RAP1GAP2: variants seen among roughly 807,000 people sequenced by gnomAD.
RAP1GAP2 encodes RAP1 GTPase activating protein 2.
A neutral mutation model predicts 95.0 loss-of-function variants in RAP1GAP2; 27 were observed. The observed-to-expected ratio is 0.28, with a 90% CI of 0.21 to 0.39. The LOEUF is 0.39. RAP1GAP2 is among the 10% of genes least tolerant of loss of function. The pLI is 1.00. For synonymous variants in RAP1GAP2, 373 were observed against 380.9 expected, an observed-to-expected ratio of 0.98 and a Z score of 0.24; for missense variants, 771 against 970.0, an observed-to-expected ratio of 0.79 and a Z score of 2.72.
intron 2 of RAP1GAP2, among the ~76,000 whole-genome samples, chr17:2,849,627 G>A (rs2071742474): frequency 6.6e-6 from 1 of 152,174 alleles, no homozygotes; most frequent in African/African-American, 2.4e-5. Context: ...CTCAGCCTTT[G>A]GAGTTCCCCT....
chr17:3,014,503 G>A (rs2046686429), intron 17 of RAP1GAP2, among the ~76,000 whole-genome samples: 3 of 150,852 alleles, frequency 2.0e-5, no homozygotes, highest in Admixed American at 6.6e-5. Context: ...TGATGATGGT[G>A]TTGTCAACGC....
rs571936786 is a variant in RAP1GAP2 at position 3,011,381 on chromosome 17, C to T, written c.1494+3236C>T. ...GGAGCCCTGGGGCCTGGGGTGGATTCTGGTGTTTAGGCCATGCCTGTGGCC... is the reference window on the plus strand; with the variant it reads ...GGAGCCCTGGGGCCTGGGGTGGATTTTGGTGTTTAGGCCATGCCTGTGGCC... On this transcript the variant is annotated intron_variant, in intron 17 of 24. Coordinates refer to ENST00000254695, the MANE Select transcript of RAP1GAP2 (RefSeq NM_015085.5). Among the ~76,000 whole-genome samples, 63 of 152,188 alleles carry T rather than the reference C, an allele frequency of 4.1e-4. 1 individual carries two copies. The highest frequency in any genetic ancestry group is 1.6e-3 in the Admixed American group (24 of 15,288).
At chr17:2,905,108 C>G (rs1379193825) in intron 2 of RAP1GAP2, among the ~76,000 whole-genome samples, 176 bp from the exon 3 acceptor site, 1 of 152,210 alleles carries the variant, frequency 6.6e-6, no homozygotes, top group Non-Finnish European at 1.5e-5. Flanking sequence ...GTCTTGAACT[C>G]CTGACCTCAG....
chr17:3,022,402 C>G (rs757575048), intron 19 of RAP1GAP2, among the ~76,000 whole-genome samples: 21 of 152,170 alleles, frequency 1.4e-4, no homozygotes, highest in Non-Finnish European at 2.9e-4. Context: ...CCAAGCAATT[C>G]CGCTCCTCGG....
intron 11 of RAP1GAP2, among the ~76,000 whole-genome samples, chr17:2,989,105 G>A (rs1456288385): frequency 2.7e-5 from 4 of 150,900 alleles, no homozygotes; most frequent in African/African-American, 9.7e-5. Context: ...AAAAAAAACT[G>A]CCAAACAGTT....
intron 3 of RAP1GAP2, among the ~76,000 whole-genome samples, chr17:2,927,368 T>A (rs185767502): frequency 4.8e-4 from 73 of 151,978 alleles, no homozygotes; most frequent in South Asian, 4.2e-4. Flanking sequence ...TTAGCCAGGA[T>A]GGTCTCGATC....
intron 2 of RAP1GAP2, among the ~76,000 whole-genome samples, chr17:2,842,391 G>A (rs2071403698): frequency 6.6e-6 from 1 of 151,992 alleles, no homozygotes; most frequent in Non-Finnish European, 1.5e-5. Flanking sequence ...TTAGCCAGGC[G>A]TGGTGGCACA....
At chr17:2,843,355 G>A (rs1331112003) in intron 2 of RAP1GAP2, among the ~76,000 whole-genome samples, 7 of 151,530 alleles carry the variant, frequency 4.6e-5, no homozygotes, top group Admixed American at 2.0e-4. Flanking sequence ...GCGCGATCTC[G>A]GCTCACGGCA....
chr17:2,931,993 T>C (rs2043170713), intron 3 of RAP1GAP2, among the ~76,000 whole-genome samples: 1 of 152,150 alleles, frequency 6.6e-6, no homozygotes, highest in South Asian at 2.1e-4. Flanking sequence ...CACAAAGATA[T>C]ATAATGATAT....
intron 1 of RAP1GAP2, among the ~76,000 whole-genome samples, chr17:2,798,244 G>A (rs926851446): frequency 2.0e-5 from 3 of 152,174 alleles, no homozygotes; most frequent in Non-Finnish European, 4.4e-5. Flanking sequence ...TGTCCCAGAC[G>A]CCCTTGTGTG....
chr17:3,021,420 C>T (rs906611385), intron 19 of RAP1GAP2, among the ~76,000 whole-genome samples: 6 of 143,504 alleles, frequency 4.2e-5, no homozygotes, highest in East Asian at 2.1e-4. Context: ...TGAGAACATG[C>T]GATATTTGTC....
At chr17:2,799,991 G>C (rs890699908) in intron 1 of RAP1GAP2, among the ~76,000 whole-genome samples, 15 of 152,282 alleles carry the variant, frequency 9.9e-5, no homozygotes, top group African/African-American at 3.6e-4. Context: ...CCAGGAGCAG[G>C]GTCTGCCTCC....
At chr17:2,793,740 C>T (rs534392921), upstream of RAP1GAP2, among the ~76,000 whole-genome samples, 52 of 152,364 alleles carry the variant, frequency 3.4e-4, no homozygotes, top group African/African-American at 1.2e-3. Flanking sequence ...ACGGCTGGCT[C>T]TCCTATACCC....
chr17:2,791,108 G>A (rs1179970153), intron 1 of RAP1GAP2, among the ~76,000 whole-genome samples: 1 of 152,272 alleles, frequency 6.6e-6, no homozygotes, highest in Non-Finnish European at 1.5e-5. Flanking sequence ...TGGAGGCAGA[G>A]GCAGGAGAAT....
chr17:2,974,052 AAAG>A (rs1355937428), intron 8 of RAP1GAP2, among the ~76,000 whole-genome samples: 1 of 152,076 alleles, frequency 6.6e-6, no homozygotes, highest in Non-Finnish European at 1.5e-5. Context: ...TTAAAAAAAG[AAAG>A]AAGGGGCCGG....
intron 2 of RAP1GAP2, among the ~76,000 whole-genome samples, chr17:2,886,333 C>A (rs2073505388): frequency 6.6e-6 from 1 of 151,900 alleles, no homozygotes; most frequent in South Asian, 2.1e-4. Flanking sequence ...CCACCACGCC[C>A]AGCTAATTTT....
intron 3 of RAP1GAP2, among the ~76,000 whole-genome samples, chr17:2,909,597 C>G (rs983149417): frequency 2.0e-5 from 3 of 152,236 alleles, no homozygotes; most frequent in Admixed American, 6.5e-5. Context: ...CCCTGCTGCG[C>G]TCTCCCATGA....
intron 2 of RAP1GAP2, among the ~76,000 whole-genome samples, chr17:2,861,320 C>A (rs929488473): frequency 6.6e-6 from 1 of 151,956 alleles, no homozygotes; most frequent in Non-Finnish European, 1.5e-5. Context: ...AGAATGGAAA[C>A]TGTTTCAGAG....
chr17:2,815,639 G>A (rs2069978813), intron 2 of RAP1GAP2, among the ~76,000 whole-genome samples: 2 of 151,826 alleles, frequency 1.3e-5, no homozygotes, highest in East Asian at 3.9e-4. Context: ...GCACCACCAC[G>A]CCCAGCTAAT....
Sources: allele counts gnomAD v4.1 joint callset (sites outside exome capture counted in the v4.1 genomes callset), GRCh38; gene constraint gnomAD v4.1.1; transcripts MANE v1.5; gene names NCBI Gene and HGNC (gene_info 2026-07-23, HGNC 2026-07-21).